The following CHRDL2 variants were observed in gnomAD, a reference collection of about 807,000 sequenced individuals.
CHRDL2 encodes chordin-like protein 2.
In CHRDL2, 41 loss-of-function variants were observed where a neutral mutation model predicts 54.3. That is an observed-to-expected ratio of 0.76 (90% CI 0.59 to 0.98). The LOEUF is 0.98. Among genes scored for constraint, CHRDL2 ranks in the 50% least tolerant of loss-of-function variants. The probability of loss-of-function intolerance (pLI) is 0.00; values close to 1 mark genes in which losing one functional copy is unlikely to be tolerated. For missense variants in CHRDL2, 518 were observed against 562.4 expected (o/e 0.92, Z 0.80); for synonymous variants, 220 against 224.3 (o/e 0.98, Z 0.17).
At chr11:74,699,904 G>A (rs2033744465) in intron 9 of CHRDL2, among the ~76,000 whole-genome samples, 1 of 152,252 alleles carries the variant, frequency 6.6e-6, no homozygotes, top group Admixed American at 6.5e-5. Context: ...AGGAGATGGG[G>A]TGCGGTTTGC....
intron 1 of CHRDL2, among the ~76,000 whole-genome samples, chr11:74,726,878 A>T (rs1035792058): frequency 6.6e-6 from 1 of 152,206 alleles, no homozygotes; most frequent in Non-Finnish European, 1.5e-5. Flanking sequence ...CTGCACAGGT[A>T]GATGGGGATG....
At chr11:74,730,347 A>C (rs2034632442) in intron 1 of CHRDL2, among the ~76,000 whole-genome samples, 1 of 152,216 alleles carries the variant, frequency 6.6e-6, no homozygotes, top group Non-Finnish European at 1.5e-5. Context: ...GTAAAGTGCG[A>C]ATGATAATAC....
At chr11:74,706,808 G>A (rs2034025473) in intron 5 of CHRDL2, among the ~76,000 whole-genome samples, 1 of 152,166 alleles carries the variant, frequency 6.6e-6, no homozygotes, top group Non-Finnish European at 1.5e-5. Context: ...GTAACCATTA[G>A]GACTGAAGTC....
rs149731074 is a variant in CHRDL2, at chr11:74,696,574, C to T, written c.1225G>A (p.Val409Ile). The change falls in exon 11 of 11, where the codon GTC becomes ATC. Residue 409 changes from valine to isoleucine, a missense_variant. Val to Ile is a conservative substitution (Grantham distance 29). Transcript: ENST00000376332. ...LAGPHEGHWN[V>I]FLAQTLELKV... ...AGCTCCAGGGTCTGGGCTAGGAAGA[C>T]GTTCCAGTGACCTGCATGGAGGAGG... is the stretch of plus-strand genomic sequence containing the variant. The T allele has an allele frequency of 6.8e-6, 11 of 1,613,764 alleles. No individual in the cohort carries two copies. The highest frequency in any genetic ancestry group is 4.0e-5 in the African/African-American group (3 of 75,038).
intron 3 of CHRDL2, among the ~76,000 whole-genome samples, chr11:74,712,198 G>T (rs1441726104): frequency 2.0e-5 from 3 of 152,062 alleles, no homozygotes. Context: ...TAGCAGGTGA[G>T]GGCTAGGGTG....
rs75724746 is a variant in CHRDL2 at position 74,710,878 on chromosome 11, G to A, written c.403C>T (p.Pro135Ser). 3.7e-6 allele frequency: 6 copies of A among 1,614,130 alleles called. No homozygotes were observed. The East Asian group carries it at 1.3e-4, about 36-fold the overall frequency. Reference sequence around the variant, plus strand: ...CAGCTGCAGAGGACACACTGGTTGGGCAGGCGGGAGGGGAACAGCTCATGG... The same window carrying A: ...CAGCTGCAGAGGACACACTGGTTGGACAGGCGGGAGGGGAACAGCTCATGG... ...SAHELFPSRL[P>S]NQCVLCSCTE... Residue 135 changes from proline (P) to serine (S), a missense_variant, in exon 4 of 11, where the codon CCC becomes TCC. Transcript: ENST00000376332.
chr11:74,720,698 T>C (rs1269108025), intron 1 of CHRDL2, among the ~76,000 whole-genome samples: 1 of 152,184 alleles, frequency 6.6e-6, no homozygotes, highest in Non-Finnish European at 1.5e-5. Context: ...CGCAGAGCAT[T>C]GAAAGCAGTA....
intron 10 of CHRDL2, 147 bp downstream of exon 10, chr11:74,697,058 C>T (rs2033619548): frequency 3.2e-6 from 2 of 628,056 alleles, no homozygotes; most frequent in African/African-American, 1.8e-5. Context: ...GGCGCAGACA[C>T]CCGCTGGATT....
Position 74,703,450 on chromosome 11 carries a change from C to T in CHRDL2, c.801G>A (p.Pro267=), listed in dbSNP as rs139172308. Residue 267 remains proline (P), a synonymous_variant, in exon 8 of 11, where the codon CCG becomes CCA. Transcript: ENST00000376332. ...GCAAGGGGCCGAAGGCACGGAAGGC[C>T]GGGTGCCACACCTCCCCGTGGGAGT... The part of the protein sequence containing the change: ...KTYSHGEVWH[P]AFRAFGPLPC... 189 of 1,612,284 alleles carry T rather than the reference C, an allele frequency of 1.2e-4. 2 individuals carry two copies. Among genetic ancestry groups the T allele is most frequent in the South Asian group, 8.7e-4 (79 of 90,884 alleles).
chr11:74,727,707 A>G (rs547313430), intron 1 of CHRDL2, among the ~76,000 whole-genome samples: 1 of 152,186 alleles, frequency 6.6e-6, no homozygotes, highest in East Asian at 1.9e-4. Flanking sequence ...ACCCAGCCCC[A>G]TGTTTTTACT....
At position 74,708,340 on chromosome 11, in the gene CHRDL2, G is replaced by T; in HGVS notation, c.488C>A (p.Pro163His). Residue 163 changes from proline to histidine, a missense_variant, in exon 5 of 11, where the codon CCC becomes CAC. Coordinates refer to ENST00000376332, the MANE Select transcript of CHRDL2 (RefSeq NM_001278473.3). Reference sequence around the variant, plus strand: ...GCAGCAGGAGTCTGGCAGCGGGAGGGGTGCTGGGCAGCCTGGTTCGGGGCA... The same window carrying T: ...GCAGCAGGAGTCTGGCAGCGGGAGGTGTGCTGGGCAGCCTGGTTCGGGGCA... ...TTCPEPGCPA[P>H]LPLPDSCCQA... 6.3e-7 allele frequency: 1 copy of T among 1,581,406 alleles called. No homozygotes were observed. Among genetic ancestry groups the T allele is most frequent in the Non-Finnish European group, 8.6e-7 (1 of 1,167,762 alleles).
At chr11:74,698,067 CTTTTT>C (rs11297072) in intron 9 of CHRDL2, among the ~76,000 whole-genome samples, 1 of 130,634 alleles carries the variant, frequency 7.7e-6, no homozygotes. Context: ...ACTTTTTTTT[CTTTTT>C]TTTTTTTTTT....
intron 9 of CHRDL2, 111 bp downstream of exon 9, chr11:74,702,683 C>A (rs2033859456): frequency 2.8e-6 from 3 of 1,068,012 alleles, no homozygotes; most frequent in Admixed American, 2.0e-5. Context: ...CCTGGCGGGG[C>A]AGCCAGAGGC....
rs191917601 is a variant in CHRDL2 at position 74,727,791 on chromosome 11, A to G, written c.82+3016T>C. 8.9e-3 allele frequency among the ~76,000 whole-genome samples: 1,362 copies of G among 152,182 alleles called. 15 individuals carry two copies. The highest frequency in any genetic ancestry group is 0.014 in the Non-Finnish European group (960 of 67,996). On this transcript the variant is annotated intron_variant, in intron 1 of 10. Transcript: ENST00000376332. ...AAAGCAGAGCATACTAGACACCTAC[A>G]AGGGACAATTAGGGAAGAGAACCAA... is the stretch of plus-strand genomic sequence containing the variant.
chr11:74,698,968 T>C (rs1260767617), intron 9 of CHRDL2: 1 of 152,224 alleles, frequency 6.6e-6, no homozygotes, highest in Non-Finnish European at 1.5e-5. Flanking sequence ...TGGCCCTGCT[T>C]ATGGGAATCA....
rs114682569 is a variant in CHRDL2, at chr11:74,700,172, C to A, written c.1120+2622G>T. 3.9e-3 allele frequency among the ~76,000 whole-genome samples: 596 copies of A among 152,262 alleles called. 8 individuals are homozygous for A. Among genetic ancestry groups the A allele is most frequent in the African/African-American group, 0.014 (574 of 41,536 alleles). Reference sequence around the variant, plus strand: ...TGACCTCTCAGACTCAGTTTTCTTACCTGCAAAATGGGGGCATTAATACGT... The same window carrying A: ...TGACCTCTCAGACTCAGTTTTCTTAACTGCAAAATGGGGGCATTAATACGT... On this transcript the variant is annotated intron_variant, in intron 9 of 10. Transcript: ENST00000376332.
In CHRDL2 at chr11:74,704,480, C is replaced by A. The variant is rs532592201; in HGVS notation, c.751+6G>T. The stretch of plus-strand genomic sequence containing the variant: ...CTCACAGATTGGAGGAGGGTCCAGT[C>A]CCCACCTTTCTTATGTTTCTCCTTC... On this transcript the variant is annotated splice_donor_region_variant and intron_variant, in intron 7 of 10. Coordinates refer to ENST00000376332, the MANE Select transcript of CHRDL2 (RefSeq NM_001278473.3). 1.3e-6 allele frequency: 2 copies of A among 1,586,148 alleles called. No individual in the cohort carries two copies. The highest frequency in any genetic ancestry group is 4.6e-5 in the East Asian group (2 of 43,302).
chr11:74,714,981 A>G (rs1410674519), intron 2 of CHRDL2, among the ~76,000 whole-genome samples: 1 of 152,180 alleles, frequency 6.6e-6, no homozygotes, highest in Admixed American at 6.5e-5. Context: ...TAGGGCCTTT[A>G]CGTTATATAA....
intron 9 of CHRDL2, among the ~76,000 whole-genome samples, chr11:74,697,873 G>A (rs551325315): frequency 2.6e-4 from 39 of 152,248 alleles, no homozygotes; most frequent in African/African-American, 9.4e-4. Flanking sequence ...TCAGGGCATA[G>A]AACATATGAT....
Sources: allele counts gnomAD v4.1 joint callset (sites outside exome capture counted in the v4.1 genomes callset), GRCh38; gene constraint gnomAD v4.1.1; transcripts MANE v1.5; gene names NCBI Gene and HGNC (gene_info 2026-07-23, HGNC 2026-07-21).